CSMD3: variants seen among roughly 807,000 people sequenced by gnomAD.
CSMD3 encodes CUB and Sushi multiple domains 3, also known as CUB and sushi domain-containing protein 3.
A neutral mutation model predicts 435.2 loss-of-function variants in CSMD3; 177 were observed. The observed-to-expected ratio is 0.41, with a 90% CI of 0.36 to 0.46. The LOEUF (loss-of-function observed/expected upper bound fraction) is 0.46, where lower values mean the gene tolerates loss of function less well. Among genes scored for constraint, CSMD3 ranks in the 20% least tolerant of loss-of-function variants. CSMD3 has a pLI of 0.34. For missense variants in CSMD3, 4,265 were observed against 4,504.6 expected (o/e 0.95, Z 1.52); for synonymous variants, 1,656 against 1,520.5 (o/e 1.09, Z -2.07).
chr8:112,833,716 A>G, intron 11 of CSMD3, among the ~76,000 whole-genome samples: 1 of 150,944 alleles, frequency 6.6e-6, no homozygotes, highest in African/African-American at 2.4e-5. Context: ...GTGTGTCTGT[A>G]GGTTTGCATG....
chr8:112,235,391 AC>A (rs1813473942), intron 67 of CSMD3, among the ~76,000 whole-genome samples: 1 of 151,876 alleles, frequency 6.6e-6, no homozygotes, highest in Non-Finnish European at 1.5e-5. Flanking sequence ...CTCAAAAAAA[AC>A]AAAAAACAAA....
chr8:113,049,789 A>G (rs2088006038), intron 5 of CSMD3, among the ~76,000 whole-genome samples: 1 of 152,210 alleles, frequency 6.6e-6, no homozygotes, highest in Admixed American at 6.5e-5. Flanking sequence ...TCTGTTTATA[A>G]TTCATATAAA....
intron 3 of CSMD3, among the ~76,000 whole-genome samples, chr8:113,275,021 T>C (rs933790455): frequency 2.0e-5 from 3 of 152,076 alleles, no homozygotes; most frequent in African/African-American, 7.2e-5. Flanking sequence ...TGTACAAATA[T>C]ACTGTATGTC....
Position 112,556,476 on chromosome 8 carries a change from A to G in CSMD3, c.4234+287T>C, listed in dbSNP as rs147604304. On this transcript the variant is annotated intron_variant, in intron 25 of 70. Coordinates refer to ENST00000297405, the MANE Select transcript of CSMD3 (RefSeq NM_198123.2). ...GTATAATTAAAAGTCTTAACATTTT[A>G]GTAATGAGTTCCATTTTATGTCGAG... 3.5e-4 allele frequency among the ~76,000 whole-genome samples: 53 copies of G among 152,166 alleles called. No individual in the cohort carries two copies. The East Asian group carries it at 8.9e-3, about 26-fold the overall frequency.
At chr8:113,098,527 A>G (rs2090233384) in intron 5 of CSMD3, 1 of 528,316 alleles carries the variant, frequency 1.9e-6, no homozygotes, top group Non-Finnish European at 3.4e-6. Flanking sequence ...ACTGTAGATT[A>G]CAATAGGAAT....
At chr8:112,685,819 T>A in intron 14 of CSMD3, 87 bp from the exon 15 acceptor site, 2 of 846,694 alleles carry the variant, frequency 2.4e-6, no homozygotes, top group Non-Finnish European at 3.9e-6. Context: ...ATTATGATAA[T>A]CAATTAGCAG....
chr8:112,863,637 T>A (rs1418014617), intron 10 of CSMD3, among the ~76,000 whole-genome samples: 1 of 152,050 alleles, frequency 6.6e-6, no homozygotes, highest in Non-Finnish European at 1.5e-5. Context: ...TCCACAAACT[T>A]TAGTTGTGTC....
At chr8:113,391,417 T>A (rs1186156756) in intron 1 of CSMD3, among the ~76,000 whole-genome samples, 1 of 152,004 alleles carries the variant, frequency 6.6e-6, no homozygotes, top group Non-Finnish European at 1.5e-5. Flanking sequence ...AGTTTGTATA[T>A]GAGATTTTGA....
intron 62 of CSMD3, among the ~76,000 whole-genome samples, chr8:112,254,710 T>A (rs1408487131): frequency 6.6e-6 from 1 of 152,046 alleles, no homozygotes; most frequent in Non-Finnish European, 1.5e-5. Flanking sequence ...TTTGAAGAAA[T>A]AACAGTTTTT....
chr8:113,049,315 A>ACAGTAG (rs2087982388), intron 5 of CSMD3, among the ~76,000 whole-genome samples: 3 of 152,024 alleles, frequency 2.0e-5, no homozygotes, highest in Non-Finnish European at 4.4e-5. Flanking sequence ...AGGACACCTG[A>ACAGTAG]GGGCAGCAAA....
chr8:113,314,629 C>A lies in CSMD3; in HGVS notation c.343G>T (p.Glu115Ter). 6.2e-7 allele frequency: 1 copy of A among 1,611,016 alleles called. No homozygotes were observed. The highest frequency in any genetic ancestry group is 8.5e-7 in the Non-Finnish European group (1 of 1,177,424). ...IVFQSFALEE[E>*]YDYLSLYDGH... ...TCATATAATGATAAGTAGTCGTATT[C>A]TTCTTCTAGAGCAAATGACTGAAAA... Residue 115 changes from glutamate to a stop codon, truncating the protein, a stop_gained, in exon 2 of 71, where the codon GAA becomes TAA. Transcript: ENST00000297405. LOFTEE classifies it high-confidence loss of function.
At chr8:113,166,316 C>T (rs1362561534) in intron 4 of CSMD3, among the ~76,000 whole-genome samples, 1 of 152,004 alleles carries the variant, frequency 6.6e-6, no homozygotes, top group Non-Finnish European at 1.5e-5. Flanking sequence ...GCCAGGCTGA[C>T]CAATATAGTG....
At chr8:113,138,691 A>C (rs2091475720) in intron 4 of CSMD3, among the ~76,000 whole-genome samples, 1 of 151,318 alleles carries the variant, frequency 6.6e-6, no homozygotes, top group Non-Finnish European at 1.5e-5. Flanking sequence ...AGGCAAAAGA[A>C]GACATTTTAC....
rs992989150 is a variant in CSMD3, at chr8:112,925,544, C to T, written c.1509-3793G>A. On this transcript the variant is annotated intron_variant, in intron 9 of 70. Coordinates refer to ENST00000297405, the MANE Select transcript of CSMD3 (RefSeq NM_198123.2). ...CGCTACTGCACTCGACAGAGGGAGA[C>T]GCCATCTCAAAAAAAAAAAATTAAA... 6.9e-5 allele frequency among the ~76,000 whole-genome samples: 10 copies of T among 145,844 alleles called. No individual in the cohort carries two copies. In the East Asian group the frequency reaches 1.0e-3, roughly 15 times the overall value.
At chr8:113,322,781 T>A (rs943449030) in intron 1 of CSMD3, among the ~76,000 whole-genome samples, 1 of 152,128 alleles carries the variant, frequency 6.6e-6, no homozygotes, top group African/African-American at 2.4e-5. Flanking sequence ...GAGTCTCGCT[T>A]TGTGCCCAGA....
intron 13 of CSMD3, among the ~76,000 whole-genome samples, chr8:112,703,993 A>T (rs1350523298): frequency 6.6e-6 from 1 of 152,144 alleles, no homozygotes; most frequent in African/African-American, 2.4e-5. Context: ...TAATAAAAAT[A>T]TGCAAAATTT....
At chr8:112,614,847 C>T (rs1284910250) in intron 22 of CSMD3, among the ~76,000 whole-genome samples, 2 of 151,934 alleles carry the variant, frequency 1.3e-5, no homozygotes, top group Non-Finnish European at 1.5e-5. Context: ...TACATAAATG[C>T]TACCTTTTAC....
chr8:112,450,161 A>G (rs1261697368), intron 32 of CSMD3, among the ~76,000 whole-genome samples: 1 of 152,202 alleles, frequency 6.6e-6, no homozygotes, highest in Non-Finnish European at 1.5e-5. Flanking sequence ...ACTTCATCTT[A>G]CAAATGAGGA....
intron 38 of CSMD3, among the ~76,000 whole-genome samples, chr8:112,373,798 C>T (rs557856901): frequency 5.9e-5 from 9 of 152,176 alleles, no homozygotes; most frequent in South Asian, 4.2e-4. Flanking sequence ...GGGCGGGAAT[C>T]GATGTGGTGC....
Sources: gnomAD v4.1 joint callset for allele counts (sites outside exome capture counted in the v4.1 genomes callset) on GRCh38, gnomAD v4.1.1 for gene constraint, MANE v1.5 for transcripts, NCBI Gene and HGNC (gene_info 2026-07-23, HGNC 2026-07-21) for gene names.